Variants in LRRC7 observed in about 807,000 individuals in gnomAD.
LRRC7 encodes leucine rich repeat containing 7, also known as leucine-rich repeat-containing protein 7.
Under a neutral mutation model 175.7 loss-of-function variants are expected in LRRC7, and 23 were observed. The ratio of observed to expected loss-of-function variants is 0.13; its 90% CI spans 0.09 to 0.19. The LOEUF (loss-of-function observed/expected upper bound fraction) is 0.19, where lower values mean the gene tolerates loss of function less well. LRRC7 is among the 10% of genes least tolerant of loss of function. LRRC7 has a pLI of 1.00. For synonymous variants in LRRC7, 685 were observed against 680.9 expected, an observed-to-expected ratio of 1.01 and a Z score of -0.09; for missense variants, 1,354 against 1,904.7, an observed-to-expected ratio of 0.71 and a Z score of 5.38.
At chr1:69,788,700 AT>A (rs1261943052) in intron 3 of LRRC7, among the ~76,000 whole-genome samples, 2 of 151,928 alleles carry the variant, frequency 1.3e-5, no homozygotes, top group African/African-American at 4.8e-5. Flanking sequence ...TCTCGTGTCC[AT>A]TTTTTCACAC....
At chr1:70,113,170 T>C (rs1665634625) in intron 26 of LRRC7, among the ~76,000 whole-genome samples, 1 of 152,170 alleles carries the variant, frequency 6.6e-6, no homozygotes, top group Non-Finnish European at 1.5e-5. Flanking sequence ...CAGATATATA[T>C]ACAAACACTG....
intron 13 of LRRC7, among the ~76,000 whole-genome samples, 198 bp downstream of exon 13, chr1:70,013,287 A>G (rs1656679090): frequency 6.6e-6 from 1 of 151,952 alleles, no homozygotes; most frequent in Non-Finnish European, 1.5e-5. Flanking sequence ...GATTATATCA[A>G]AAGCATATGT....
chr1:69,640,078 A>G (rs1653977376), intron 1 of LRRC7, among the ~76,000 whole-genome samples: 2 of 151,826 alleles, frequency 1.3e-5, no homozygotes, highest in South Asian at 4.1e-4. Flanking sequence ...AAGTTTGTCC[A>G]CTTCTGGAGG....
At chr1:69,812,486 CTTTAAG>C (rs1244530312) in intron 4 of LRRC7, among the ~76,000 whole-genome samples, 5 of 151,652 alleles carry the variant, frequency 3.3e-5, no homozygotes, top group Non-Finnish European at 7.4e-5. Context: ...TCTTTCTATT[CTTTAAG>C]TTTAATCTAA....
intron 26 of LRRC7, among the ~76,000 whole-genome samples, chr1:70,109,400 T>C (rs151186995): frequency 4.6e-5 from 7 of 152,344 alleles, no homozygotes; most frequent in African/African-American, 1.2e-4. Flanking sequence ...CTCTGAAAAG[T>C]GTTTAAGCTA....
chr1:69,756,819 AC>A (rs1670483392), intron 2 of LRRC7, among the ~76,000 whole-genome samples: 1 of 151,964 alleles, frequency 6.6e-6, no homozygotes, highest in African/African-American at 2.4e-5. Flanking sequence ...TGAAAAATTC[AC>A]AGGATGATAG....
intron 1 of LRRC7, among the ~76,000 whole-genome samples, chr1:69,618,562 G>T (rs1007632124): frequency 9.2e-5 from 14 of 152,006 alleles, no homozygotes; most frequent in Non-Finnish European, 4.4e-5. Flanking sequence ...AATTGTTTTT[G>T]GTCTTATCCT....
chr1:69,645,796 A>T (rs542975755), intron 1 of LRRC7, among the ~76,000 whole-genome samples: 30 of 152,258 alleles, frequency 2.0e-4, no homozygotes, highest in African/African-American at 7.0e-4. Context: ...TATAAAGATG[A>T]GGTTTTATAA....
At chr1:69,603,134 C>G (rs1482533003) in intron 1 of LRRC7, among the ~76,000 whole-genome samples, 1 of 152,080 alleles carries the variant, frequency 6.6e-6, no homozygotes, top group Non-Finnish European at 1.5e-5. Context: ...TGTCATTTCT[C>G]TTTTTCTCTC....
Position 70,122,130 on chromosome 1 carries a change from T to C in LRRC7, c.*243T>C. 3.4e-6 allele frequency: 1 copy of C among 291,046 alleles called. No homozygotes were observed. Among genetic ancestry groups the C allele is most frequent in the East Asian group, 6.5e-5 (1 of 15,324 alleles). 18.0% of individuals were successfully genotyped at this position (291,046 alleles called of 1,614,324 possible). A position where few individuals can be genotyped will look rare whatever the true frequency, so the allele number is the denominator to read the frequency against. On this transcript the variant is annotated 3_prime_UTR_variant, in exon 27 of 27. Transcript: ENST00000651989. ...CTGTGCATTGGTGCAGTTTTGTTTC[T>C]GTTTTTGTTTTTGTTTTTAATCAAA...
chr1:70,052,748 T>C (rs1660842922), intron 22 of LRRC7, among the ~76,000 whole-genome samples: 1 of 152,140 alleles, frequency 6.6e-6, no homozygotes, highest in Non-Finnish European at 1.5e-5. Flanking sequence ...TTATTCTGAT[T>C]ATTTTTATTC....
At chr1:69,736,327 A>G (rs1247311964) in intron 2 of LRRC7, among the ~76,000 whole-genome samples, 2 of 152,120 alleles carry the variant, frequency 1.3e-5, no homozygotes, top group African/African-American at 4.8e-5. Flanking sequence ...TTGCTAAGTC[A>G]TTTGGCTGTA....
At chr1:69,697,818 T>C (rs1374134096) in intron 2 of LRRC7, among the ~76,000 whole-genome samples, 3 of 152,182 alleles carry the variant, frequency 2.0e-5, no homozygotes, top group Non-Finnish European at 4.4e-5. Flanking sequence ...AAACTGATAT[T>C]GGAGGAGGTG....
At chr1:69,919,762 G>C in intron 7 of LRRC7, 1 of 959,168 alleles carries the variant, frequency 1.0e-6, no homozygotes, top group Non-Finnish European at 1.7e-6. Flanking sequence ...AAGACCCCTG[G>C]TTTGCGCGGC....
intron 1 of LRRC7, among the ~76,000 whole-genome samples, chr1:69,619,098 A>G (rs1254121498): frequency 6.6e-6 from 1 of 151,298 alleles, no homozygotes; most frequent in Non-Finnish European, 1.5e-5. Context: ...AAGGGTCAGC[A>G]TGTGTGAGGG....
chr1:69,687,122 A>T (rs76719112), intron 2 of LRRC7, among the ~76,000 whole-genome samples: 3,557 of 152,226 alleles, frequency 0.023, 140 homozygotes, highest in African/African-American at 0.08. Context: ...GTATCTTTTT[A>T]TTGATTTATC....
chr1:69,692,815 G>A (rs759660573), intron 2 of LRRC7, among the ~76,000 whole-genome samples: 8 of 152,050 alleles, frequency 5.3e-5, no homozygotes, highest in Non-Finnish European at 1.0e-4. Flanking sequence ...TTATTTCCAG[G>A]TGTGTCTATG....
At position 69,799,637 on chromosome 1, in the gene LRRC7, A is replaced by G. The variant is rs138700025; in HGVS notation, c.421+7477A>G. 1.6e-3 allele frequency among the ~76,000 whole-genome samples: 249 copies of G among 152,132 alleles called. 4 individuals carry two copies. The highest frequency in any genetic ancestry group is 0.011 in the Admixed American group (175 of 15,276). ...TTGATGGACACATAGGTTGATTTCA[A>G]ATTTTGCTATAGTTTGCAAATATTT... is the stretch of plus-strand genomic sequence containing the variant. On this transcript the variant is annotated intron_variant, in intron 4 of 26. Coordinates refer to ENST00000651989, the MANE Select transcript of LRRC7 (RefSeq NM_001370785.2).
chr1:70,110,474 G>A (rs560641580), intron 26 of LRRC7, among the ~76,000 whole-genome samples: 1 of 152,146 alleles, frequency 6.6e-6, no homozygotes, highest in East Asian at 1.9e-4. Context: ...TTATATGTGG[G>A]GACGTGAGGG....
Sources: gnomAD v4.1 joint callset for allele counts (sites outside exome capture counted in the v4.1 genomes callset) on GRCh38, gnomAD v4.1.1 for gene constraint, MANE v1.5 for transcripts, NCBI Gene and HGNC (gene_info 2026-07-23, HGNC 2026-07-21) for gene names.